The following DHRSX variants were observed in gnomAD, a reference collection of about 807,000 sequenced individuals.
The protein encoded by DHRSX is dehydrogenase/reductase X-linked, also known as polyprenol dehydrogenase.
A neutral mutation model predicts 34.0 loss-of-function variants in DHRSX; 31 were observed. That is an observed-to-expected ratio of 0.91 (90% confidence interval 0.69 to 1.23). The LOEUF (loss-of-function observed/expected upper bound fraction) is 1.23, where lower values mean the gene tolerates loss of function less well. Ranked by LOEUF, DHRSX falls within the 50% of genes most tolerant of loss-of-function variation. The probability of loss-of-function intolerance (pLI) is 0.00; values close to 1 mark genes in which losing one functional copy is unlikely to be tolerated. For synonymous variants in DHRSX, 201 were observed against 183.8 expected (o/e 1.09, Z -0.76); for missense variants, 414 against 428.1 (o/e 0.97, Z 0.29).
At chrX:2,359,296 C>G (rs978979119) in intron 3 of DHRSX, among the ~76,000 whole-genome samples, 15 of 152,202 alleles carry the variant, frequency 9.9e-5, no homozygotes, top group African/African-American at 3.4e-4. Flanking sequence ...AAGACACATG[C>G]ACGTGTATGT....
intron 5 of DHRSX, among the ~76,000 whole-genome samples, chrX:2,256,921 G>A (rs2041287516): frequency 6.6e-6 from 1 of 152,154 alleles, no homozygotes; most frequent in South Asian, 2.1e-4. Flanking sequence ...TCTGGAGGAT[G>A]GTCTGAGAAT....
intron 1 of DHRSX, chrX:2,489,075 C>A: frequency 6.2e-7 from 1 of 1,613,882 alleles, no homozygotes; most frequent in Non-Finnish European, 8.5e-7. Context: ...AAGATCTCGG[C>A]CAGCATGTTG....
At chrX:2,314,830 AC>A (rs1472957485) in intron 3 of DHRSX, among the ~76,000 whole-genome samples, 1 of 152,056 alleles carries the variant, frequency 6.6e-6, no homozygotes, top group Non-Finnish European at 1.5e-5. Context: ...AATTTACCCG[AC>A]TTGAAACACT....
chrX:2,243,780 T>A (rs779910972), intron 5 of DHRSX, among the ~76,000 whole-genome samples: 135 of 134,412 alleles, frequency 1.0e-3, no homozygotes, highest in African/African-American at 3.6e-3. Flanking sequence ...GGAGCCACTA[T>A]GCTCCCTGTT....
chrX:2,363,139 G>A (rs866156281), intron 3 of DHRSX, among the ~76,000 whole-genome samples: 115 of 85,478 alleles, frequency 1.3e-3, no homozygotes, highest in Middle Eastern at 0.011. Flanking sequence ...GTATCATGCC[G>A]CCATTTTATC....
chrX:2,251,901 T>G (rs2016442221), intron 5 of DHRSX, among the ~76,000 whole-genome samples: 1 of 150,622 alleles, frequency 6.6e-6, no homozygotes, highest in Non-Finnish European at 1.5e-5. Context: ...GGGGTTGGGG[T>G]GGGGTAGGAG....
chrX:2,330,076 G>A (rs866961375), intron 3 of DHRSX, among the ~76,000 whole-genome samples: 35,282 of 52,840 alleles, frequency 0.67, 10,752 homozygotes, highest in Middle Eastern at 0.75. Flanking sequence ...GAGACGGCGG[G>A]GGGGGGGGGG....
intron 4 of DHRSX, among the ~76,000 whole-genome samples, chrX:2,288,127 A>T (rs1466224499): frequency 4.8e-5 from 1 of 20,800 alleles, no homozygotes; most frequent in East Asian, 3.7e-4. Context: ...TGAAGGAGAT[A>T]AAAAAAAAGA....
chrX:2,471,564 C>CAAAA (rs772245590), intron 1 of DHRSX, among the ~76,000 whole-genome samples: 2 of 126,138 alleles, frequency 1.6e-5, no homozygotes, highest in African/African-American at 2.8e-5. Flanking sequence ...AACTCCATCT[C>CAAAA]AAAAAAAAAA....
intron 1 of DHRSX, chrX:2,489,552 C>A (rs755232991): frequency 6.2e-7 from 1 of 1,612,750 alleles, no homozygotes; most frequent in Non-Finnish European, 8.5e-7. Context: ...GTGGCCCACT[C>A]GCTGGCCTCC....
In DHRSX at chrX:2,407,917, C is replaced by G. The variant is rs576399432; in HGVS notation, c.286+828G>C. Among the ~76,000 whole-genome samples the G allele has an allele frequency of 3.9e-5, 6 of 152,086 alleles. No individual in the cohort carries two copies. The South Asian group carries it at 1.0e-3, about 26-fold the overall frequency. On this transcript the variant is annotated intron_variant, in intron 3 of 6. Transcript: ENST00000334651. ...TGTTAACAAAACTGTACTTGCACTC[C>G]CTACCTGTATACAAATGAAAAATAA...
chrX:2,500,790 C>A, intron 1 of DHRSX, 27 bp downstream of exon 1: 1 of 1,079,464 alleles, frequency 9.3e-7, no homozygotes, highest in Non-Finnish European at 1.1e-6. Context: ...GTCCCCGGAG[C>A]CCTGACCCCT....
At chrX:2,466,228 C>T (rs1406704783) in intron 1 of DHRSX, among the ~76,000 whole-genome samples, 3 of 152,062 alleles carry the variant, frequency 2.0e-5, no homozygotes, top group Non-Finnish European at 4.4e-5. Context: ...TACCTGAGGT[C>T]GGTAGCTCAA....
intron 5 of DHRSX, among the ~76,000 whole-genome samples, chrX:2,250,292 G>A (rs1308582726): frequency 6.6e-6 from 1 of 152,076 alleles, no homozygotes; most frequent in Non-Finnish European, 1.5e-5. Context: ...CCTTTCAGGG[G>A]TTTGAAAGGG....
intron 3 of DHRSX, among the ~76,000 whole-genome samples, chrX:2,378,286 C>T (rs1169376798): frequency 1.3e-5 from 2 of 152,196 alleles, no homozygotes; most frequent in Non-Finnish European, 2.9e-5. Context: ...TGGCTTTCAG[C>T]CAGCTGGTTT....
chrX:2,467,784 G>A (rs2044519228), intron 1 of DHRSX, among the ~76,000 whole-genome samples: 1 of 152,028 alleles, frequency 6.6e-6, no homozygotes, highest in Non-Finnish European at 1.5e-5. Context: ...AGACCAGCCT[G>A]ACCAACATGG....
chrX:2,470,656 A>G lies in DHRSX; in HGVS notation c.109+30161T>C, dbSNP rs768020655. 4.3e-3 allele frequency among the ~76,000 whole-genome samples: 660 copies of G among 152,290 alleles called. 1 individual carries two copies. The highest frequency in any genetic ancestry group is 0.015 in the African/African-American group (633 of 41,562). On this transcript the variant is annotated intron_variant, in intron 1 of 6. Coordinates refer to ENST00000334651, the MANE Select transcript of DHRSX (RefSeq NM_145177.3). ...CATGAGTTGGAGGCTGCTGAGAGCT[A>G]TGAACATGATGCTGTACTCCAGCCT...
At chrX:2,483,907 G>A (rs1362300508) in intron 1 of DHRSX, among the ~76,000 whole-genome samples, 1 of 151,834 alleles carries the variant, frequency 6.6e-6, no homozygotes, top group African/African-American at 2.4e-5. Flanking sequence ...CTTAATGGTT[G>A]GGGGAAAAAA....
At chrX:2,459,411 AT>A (rs1343523003) in intron 1 of DHRSX, among the ~76,000 whole-genome samples, 6 of 151,690 alleles carry the variant, frequency 4.0e-5, no homozygotes, top group Non-Finnish European at 7.4e-5. Context: ...TAATATGTTA[AT>A]TCACTTAATT....
Sources: gnomAD v4.1 joint callset for allele counts (sites outside exome capture counted in the v4.1 genomes callset) on GRCh38, gnomAD v4.1.1 for gene constraint, MANE v1.5 for transcripts, NCBI Gene and HGNC (gene_info 2026-07-23, HGNC 2026-07-21) for gene names.